The following CSNK1G1 variants were observed in gnomAD, a reference collection of about 807,000 sequenced individuals.
CSNK1G1 encodes the protein casein kinase 1 gamma 1.
A neutral mutation model predicts 59.6 loss-of-function variants in CSNK1G1; 22 were observed. The ratio of observed to expected loss-of-function variants is 0.37; its 90% CI spans 0.26 to 0.53. The LOEUF (loss-of-function observed/expected upper bound fraction) is 0.53, where lower values mean the gene tolerates loss of function less well. Among genes scored for constraint, CSNK1G1 ranks in the 20% least tolerant of loss-of-function variants. The probability of loss-of-function intolerance (pLI) is 0.89; values close to 1 mark genes in which losing one functional copy is unlikely to be tolerated. For synonymous variants in CSNK1G1, 179 were observed against 177.1 expected (o/e 1.01, Z -0.08); for missense variants, 384 against 519.5 (o/e 0.74, Z 2.54).
At position 64,333,622 on chromosome 15, in the gene CSNK1G1, C is replaced by T. The variant is rs191111476; in HGVS notation, c.-225+22366G>A. ...TGCTGAATGTAAATGGTCTTAAATG[C>T]GCCACTTAAAAGGTACAAATTGGCA... is the stretch of plus-strand genomic sequence containing the variant. On this transcript the variant is annotated intron_variant, in intron 1 of 11. Coordinates refer to ENST00000303052, the MANE Select transcript of CSNK1G1 (RefSeq NM_022048.5). Among the ~76,000 whole-genome samples, 436 of 151,972 alleles carry T rather than the reference C, an allele frequency of 2.9e-3. 2 individuals carry two copies. The highest frequency in any genetic ancestry group is 4.4e-3 in the Non-Finnish European group (296 of 67,984).
chr15:64,186,000 C>T (rs1881340877), intron 10 of CSNK1G1, among the ~76,000 whole-genome samples: 2 of 152,172 alleles, frequency 1.3e-5, no homozygotes, highest in Admixed American at 1.3e-4. Context: ...CTGCTCTCTT[C>T]TATTGGTGTA....
intron 10 of CSNK1G1, among the ~76,000 whole-genome samples, chr15:64,191,577 A>C (rs527404864): frequency 6.6e-6 from 1 of 152,320 alleles, no homozygotes; most frequent in African/African-American, 2.4e-5. Context: ...TAATTTGTTG[A>C]AAGATTTAAG....
At chr15:64,259,627 C>T (rs1240660973) in intron 2 of CSNK1G1, among the ~76,000 whole-genome samples, 2 of 152,086 alleles carry the variant, frequency 1.3e-5, no homozygotes, top group Non-Finnish European at 1.5e-5. Context: ...TAAACACAAA[C>T]CTTCATTCTT....
At chr15:64,246,202 C>T (rs939993553) in intron 4 of CSNK1G1, among the ~76,000 whole-genome samples, 5 of 152,056 alleles carry the variant, frequency 3.3e-5, no homozygotes, top group African/African-American at 1.2e-4. Flanking sequence ...CACATATATC[C>T]CATAAATAGG....
chr15:64,238,943 G>A (rs2082657920), intron 4 of CSNK1G1, among the ~76,000 whole-genome samples: 1 of 152,102 alleles, frequency 6.6e-6, no homozygotes, highest in Non-Finnish European at 1.5e-5. Flanking sequence ...GGACCCAAAA[G>A]TCTTTTCCAA....
At position 64,214,780 on chromosome 15, in the gene CSNK1G1, A is replaced by C. The variant is rs2082289723; in HGVS notation, c.445-656T>G. ...CAGCCTCCCGGGTAGCTGGGATTAC[A>C]TGCACATGCCACCATGCCTGGCTAA... On this transcript the variant is annotated intron_variant, in intron 5 of 11. Coordinates refer to ENST00000303052, the MANE Select transcript of CSNK1G1 (RefSeq NM_022048.5). This position sits in a 1 kb window ranked among gnomAD's most constrained non-coding sequence, Gnocchi z 4.3. Among the ~76,000 whole-genome samples, 1 of 152,056 alleles carries C rather than the reference A, an allele frequency of 6.6e-6. No homozygotes were observed. The highest frequency in any genetic ancestry group is 1.5e-5 in the Non-Finnish European group (1 of 68,022).
At chr15:64,308,263 G>A (rs1895793382) in intron 1 of CSNK1G1, among the ~76,000 whole-genome samples, 1 of 151,730 alleles carries the variant, frequency 6.6e-6, no homozygotes, top group African/African-American at 2.4e-5. Context: ...GTACATTTTT[G>A]TTTATTATAT....
At chr15:64,241,558 C>G (rs2082693897) in intron 4 of CSNK1G1, among the ~76,000 whole-genome samples, 1 of 152,012 alleles carries the variant, frequency 6.6e-6, no homozygotes, top group South Asian at 2.1e-4. Flanking sequence ...TGTGTTAGGC[C>G]TCAAAACAAA....
intron 1 of CSNK1G1, among the ~76,000 whole-genome samples, chr15:64,307,680 C>A (rs1193796466): frequency 6.6e-6 from 1 of 152,114 alleles, no homozygotes; most frequent in African/African-American, 2.4e-5. Flanking sequence ...CAGCAACTTA[C>A]TTGTTTTTGA....
intron 1 of CSNK1G1, among the ~76,000 whole-genome samples, chr15:64,319,002 CACT>C (rs1410965461): frequency 1.3e-5 from 2 of 151,764 alleles, no homozygotes; most frequent in Non-Finnish European, 2.9e-5. Flanking sequence ...AGGCACACAC[CACT>C]ACACCTGGCT....
Position 64,300,355 on chromosome 15 carries a change from T to C in CSNK1G1, c.145A>G (p.Lys49Glu). The C allele has an allele frequency of 6.2e-7, 1 of 1,614,196 alleles. No homozygotes were observed. The highest frequency in any genetic ancestry group is 1.1e-5 in the South Asian group (1 of 91,082). The change falls in exon 2 of 12, where the codon AAG (lysine) becomes GAG (glutamate). Residue 49 changes from lysine (K) to glutamate (E), a missense_variant. Lys to Glu is a moderately conservative substitution (Grantham distance 56). Transcript: ENST00000303052. The part of the protein sequence containing the change: ...MVGPNFRVGK[K>E]IGCGNFGELR... Reference sequence around the variant, plus strand: ...TCTCCGAAGTTCCCACATCCTATCTTCTTGCCAACCCTGAAGTTGGGTCCC... The same window carrying C: ...TCTCCGAAGTTCCCACATCCTATCTCCTTGCCAACCCTGAAGTTGGGTCCC...
In CSNK1G1 at chr15:64,308,814, G is replaced by A. The variant is rs560094815; in HGVS notation, c.-224-8091C>T. Among the ~76,000 whole-genome samples the A allele has an allele frequency of 5.9e-4, 90 of 151,804 alleles. 1 individual carries two copies. The highest frequency in any genetic ancestry group is 1.5e-3 in the Admixed American group (23 of 15,252). On this transcript the variant is annotated intron_variant, in intron 1 of 11. Transcript: ENST00000303052. The stretch of plus-strand genomic sequence containing the variant: ...CGGGAAGCTGAGGCAGGAAAATGGC[G>A]TGAACCCGGGAGGCGGAGCTTGCAG...
At chr15:64,324,793 A>C (rs555268304) in intron 1 of CSNK1G1, among the ~76,000 whole-genome samples, 20 of 152,330 alleles carry the variant, frequency 1.3e-4, no homozygotes, top group African/African-American at 4.8e-4. Context: ...CTTGTTGCCT[A>C]ATTATAAAGG....
In CSNK1G1 at chr15:64,220,969, T is replaced by C. The variant is rs185748881; in HGVS notation, c.293-4256A>G. On this transcript the variant is annotated intron_variant, in intron 4 of 11. Transcript: ENST00000303052. ...GATGTAAAGTAGTGCCAAGAATAGATGGAGCAAAAAACAGAACCTAAGTCC... is the reference window on the plus strand; with the variant it reads ...GATGTAAAGTAGTGCCAAGAATAGACGGAGCAAAAAACAGAACCTAAGTCC... Among the ~76,000 whole-genome samples, 3 of 152,318 alleles carry C rather than the reference T, an allele frequency of 2.0e-5. No individual in the cohort carries two copies. In the East Asian group the frequency reaches 5.8e-4, roughly 29 times the overall value.
At position 64,300,402 on chromosome 15, in the gene CSNK1G1, G is replaced by A. The variant is rs951778110; in HGVS notation, c.98C>T (p.Ser33Leu). ...AHCSRPSGSSSSSGVLMVGPN... is the reference protein window; with the variant it reads ...AHCSRPSGSSLSSGVLMVGPN... ...TCCCACCATAAGAACCCCAGAGGAC[G>A]ATGAGGAGCCAGATGGTCGAGAGCA... is the stretch of plus-strand genomic sequence containing the variant. Residue 33 changes from serine (S) to leucine (L), a missense_variant, in exon 2 of 12, where the codon TCG becomes TTG. Ser to Leu is a moderately radical substitution (Grantham distance 145). Transcript: ENST00000303052. 6.2e-6 allele frequency: 10 copies of A among 1,613,990 alleles called. No homozygotes were observed. The highest frequency in any genetic ancestry group is 2.2e-5 in the East Asian group (1 of 44,880).
In CSNK1G1 at chr15:64,166,027, A is replaced by G. The variant is rs2081598809; in HGVS notation, c.*5904T>C. The G allele has an allele frequency of 2.9e-6, 2 of 680,634 alleles. No individual in the cohort carries two copies. Among genetic ancestry groups the G allele is most frequent in the African/African-American group, 1.8e-5 (1 of 55,936 alleles). 42.2% of individuals were successfully genotyped at this position (680,634 alleles called of 1,614,324 possible). On this transcript the variant is annotated 3_prime_UTR_variant, in exon 12 of 12. Transcript: ENST00000303052. This position sits in a 1 kb window ranked among gnomAD's most constrained non-coding sequence, Gnocchi z 4.5. Reference sequence around the variant, plus strand: ...CATGTTTAAAAATACTACAAATTTCATTTTCACAGCTGAGCTTTGTGACCA... The same window carrying G: ...CATGTTTAAAAATACTACAAATTTCGTTTTCACAGCTGAGCTTTGTGACCA...
chr15:64,287,147 T>C (rs1018673618), intron 2 of CSNK1G1, among the ~76,000 whole-genome samples: 10 of 152,208 alleles, frequency 6.6e-5, no homozygotes, highest in African/African-American at 2.4e-4. Flanking sequence ...ACTTGTGATG[T>C]CTTGGATCTG....
At chr15:64,232,773 A>ATG (rs1416539828) in intron 4 of CSNK1G1, among the ~76,000 whole-genome samples, 3 of 152,188 alleles carry the variant, frequency 2.0e-5, no homozygotes, top group African/African-American at 4.8e-5. Flanking sequence ...GCTCTACTCA[A>ATG]TGCCAGAGAA....
chr15:64,254,352 A>G (rs1892254782), intron 3 of CSNK1G1, among the ~76,000 whole-genome samples: 1 of 138,190 alleles, frequency 7.2e-6, no homozygotes, highest in African/African-American at 2.9e-5. Context: ...ATGCCATTGA[A>G]CTTTTTTTTT....
Sources: allele counts gnomAD v4.1 joint callset (sites outside exome capture counted in the v4.1 genomes callset), GRCh38; gene constraint gnomAD v4.1.1; non-coding constraint Gnocchi (gnomAD v3.1); transcripts MANE v1.5; gene names NCBI Gene and HGNC (gene_info 2026-07-23, HGNC 2026-07-21).